The following SLC8A1 variants were observed in gnomAD, a reference collection of about 807,000 sequenced individuals.
The protein encoded by SLC8A1 is solute carrier family 8 member A1.
In SLC8A1, 18 loss-of-function variants were observed where a neutral mutation model predicts 68.3. That is an observed-to-expected ratio of 0.26 (90% CI 0.18 to 0.39). The LOEUF is 0.39. Ranked by LOEUF, SLC8A1 falls within the 10% of genes least tolerant of loss-of-function variation. The pLI is 1.00. For missense variants in SLC8A1, 985 were observed against 1,156.7 expected (o/e 0.85, Z 2.15); for synonymous variants, 475 against 415.5 (o/e 1.14, Z -1.74).
intron 2 of SLC8A1, among the ~76,000 whole-genome samples, chr2:40,422,988 G>A (rs879713540): frequency 1.4e-4 from 21 of 151,988 alleles, no homozygotes; most frequent in Non-Finnish European, 2.8e-4. Flanking sequence ...ATTTGAGAAC[G>A]GGAAAACAAT....
At chr2:40,122,309 G>A (rs1386673302) in intron 7 of SLC8A1, among the ~76,000 whole-genome samples, 1 of 151,956 alleles carries the variant, frequency 6.6e-6, no homozygotes, top group Non-Finnish European at 1.5e-5. Flanking sequence ...AGTTCAAGAG[G>A]TAACAGAATT....
chr2:40,196,105 G>A (rs2052959881), intron 2 of SLC8A1, among the ~76,000 whole-genome samples: 2 of 151,842 alleles, frequency 1.3e-5, no homozygotes, highest in Middle Eastern at 6.8e-3. Context: ...ATGGGGGTGG[G>A]GGGAAGGGTC....
At chr2:40,287,305 A>G (rs1053146096) in intron 2 of SLC8A1, among the ~76,000 whole-genome samples, 7 of 152,178 alleles carry the variant, frequency 4.6e-5, no homozygotes, top group Non-Finnish European at 8.8e-5. Context: ...TGGCTGGTTG[A>G]GATGTCAGTG....
At chr2:40,102,195 T>C (rs1160236802) in exon 8 of SLC8A1, 1 of 152,162 alleles carries the variant, frequency 6.6e-6, no homozygotes, top group Non-Finnish European at 1.5e-5. Context: ...TACAAGTCTA[T>C]TTGTAGAAAA....
chr2:40,197,967 G>C (rs1183990768), intron 2 of SLC8A1, among the ~76,000 whole-genome samples: 2 of 151,862 alleles, frequency 1.3e-5, no homozygotes, highest in Non-Finnish European at 2.9e-5. Context: ...CACATCTTTA[G>C]TTCTGGCAGC....
At chr2:40,325,483 A>G (rs929285692) in intron 2 of SLC8A1, among the ~76,000 whole-genome samples, 7 of 152,196 alleles carry the variant, frequency 4.6e-5, no homozygotes, top group African/African-American at 1.7e-4. Flanking sequence ...TCAATTTATG[A>G]GCAACCTAAG....
At chr2:40,234,956 G>A (rs1011022414) in intron 2 of SLC8A1, among the ~76,000 whole-genome samples, 3 of 152,126 alleles carry the variant, frequency 2.0e-5, no homozygotes, top group Non-Finnish European at 4.4e-5. Context: ...AAGCCCACTT[G>A]ATCATGGTGG....
intron 2 of SLC8A1, among the ~76,000 whole-genome samples, chr2:40,241,329 T>C (rs769414397): frequency 6.6e-6 from 1 of 152,042 alleles, no homozygotes; most frequent in Non-Finnish European, 1.5e-5. Flanking sequence ...GTGGGTATAA[T>C]AGACACTCTG....
At position 40,227,694 on chromosome 2, in the gene SLC8A1, T is replaced by C. The variant is rs187460096; in HGVS notation, c.1809-49839A>G. 4.6e-5 allele frequency among the ~76,000 whole-genome samples: 7 copies of C among 152,176 alleles called. No individual in the cohort carries two copies. In the East Asian group the frequency reaches 1.2e-3, roughly 25 times the overall value. On this transcript the variant is annotated intron_variant, in intron 2 of 7. Transcript: ENST00000406785. ...TGTAACAAACCTGCATTTGTACCCCTAAACTTAAAAGTTTAATAATAATAA... is the reference window on the plus strand; with the variant it reads ...TGTAACAAACCTGCATTTGTACCCCCAAACTTAAAAGTTTAATAATAATAA...
intron 1 of SLC8A1, among the ~76,000 whole-genome samples, chr2:40,435,700 C>T (rs935931015): frequency 6.6e-6 from 1 of 152,126 alleles, no homozygotes; most frequent in African/African-American, 2.4e-5. Context: ...TATAAAATAA[C>T]GAAGTTGTTG....
chr2:40,366,299 T>C (rs1367551624), intron 2 of SLC8A1, among the ~76,000 whole-genome samples: 2 of 152,120 alleles, frequency 1.3e-5, no homozygotes, highest in East Asian at 3.9e-4. Flanking sequence ...AAAATAGTGC[T>C]GACACATGGT....
At chr2:40,422,016 A>G (rs1695644281) in intron 2 of SLC8A1, among the ~76,000 whole-genome samples, 1 of 152,116 alleles carries the variant, frequency 6.6e-6, no homozygotes, top group Admixed American at 6.6e-5. Flanking sequence ...AGGAACTGCA[A>G]GGCACTATGG....
At chr2:40,213,911 G>A (rs1266956251) in intron 2 of SLC8A1, among the ~76,000 whole-genome samples, 2 of 152,148 alleles carry the variant, frequency 1.3e-5, no homozygotes, top group African/African-American at 4.8e-5. Context: ...AATAATCTCT[G>A]CTTTCCTAAA....
At chr2:40,130,329 C>T (rs554709465) in intron 7 of SLC8A1, among the ~76,000 whole-genome samples, 10 of 152,360 alleles carry the variant, frequency 6.6e-5, no homozygotes, top group African/African-American at 2.2e-4. Flanking sequence ...TTGTTTCATT[C>T]TCTCCTCAAA....
At chr2:40,103,896 C>T (rs1348205470) in exon 8 of SLC8A1, 1 of 152,194 alleles carries the variant, frequency 6.6e-6, no homozygotes, top group Non-Finnish European at 1.5e-5. Context: ...AGCTGGCTCA[C>T]AACTTAAAGT....
intron 2 of SLC8A1, among the ~76,000 whole-genome samples, chr2:40,346,888 T>C (rs1274764143): frequency 6.6e-6 from 1 of 152,152 alleles, no homozygotes; most frequent in Non-Finnish European, 1.5e-5. Flanking sequence ...TTCCACTTAG[T>C]TTCAGTCTGA....
chr2:40,246,985 C>G (rs902338785), intron 2 of SLC8A1, among the ~76,000 whole-genome samples: 1 of 152,118 alleles, frequency 6.6e-6, no homozygotes, highest in Non-Finnish European at 1.5e-5. Context: ...ATTCTTTCAT[C>G]TTTTCTTACA....
At chr2:40,416,414 T>G (rs1406612983) in intron 2 of SLC8A1, among the ~76,000 whole-genome samples, 3 of 152,168 alleles carry the variant, frequency 2.0e-5, no homozygotes, top group African/African-American at 7.2e-5. Context: ...AATGTTTCTT[T>G]TTGGCAAATA....
intron 7 of SLC8A1, among the ~76,000 whole-genome samples, chr2:40,138,982 G>T (rs2148280618): frequency 6.6e-6 from 1 of 152,242 alleles, no homozygotes; most frequent in South Asian, 2.1e-4. Flanking sequence ...CGTTTTCCTA[G>T]TTACCTAAAT....
Sources: gnomAD v4.1 joint callset for allele counts (sites outside exome capture counted in the v4.1 genomes callset) on GRCh38, gnomAD v4.1.1 for gene constraint, MANE v1.5 for transcripts, NCBI Gene and HGNC (gene_info 2026-07-23, HGNC 2026-07-21) for gene names.